The following ABHD18 variants were observed in gnomAD, a reference collection of about 807,000 sequenced individuals.
ABHD18 encodes the protein abhydrolase domain containing 18.
Under a neutral mutation model 65.9 loss-of-function variants are expected in ABHD18, and 55 were observed. That is an observed-to-expected ratio of 0.84 (90% CI 0.67 to 1.05). The LOEUF is 1.05. Ranked by LOEUF, ABHD18 falls within the 50% of genes least tolerant of loss-of-function variation. The probability of loss-of-function intolerance (pLI) is 0.00; values close to 1 mark genes in which losing one functional copy is unlikely to be tolerated. For synonymous variants in ABHD18, 181 were observed against 180.2 expected (o/e 1.00, Z -0.04); for missense variants, 533 against 558.5 (o/e 0.95, Z 0.46).
At chr4:127,984,695 T>TA (rs1239350734) in intron 3 of ABHD18, among the ~76,000 whole-genome samples, 10 of 151,658 alleles carry the variant, frequency 6.6e-5, no homozygotes, top group African/African-American at 1.9e-4. Flanking sequence ...CGTCTCTGCT[T>TA]AAAAAAAATA....
chr4:127,978,363 A>G (rs189381983), intron 1 of ABHD18, among the ~76,000 whole-genome samples: 219 of 152,220 alleles, frequency 1.4e-3, no homozygotes, highest in Non-Finnish European at 2.1e-3. Context: ...ATGACCGCCA[A>G]TGAGAAGAAG....
chr4:127,988,547 T>A (rs1750382318), intron 3 of ABHD18, among the ~76,000 whole-genome samples: 4 of 152,292 alleles, frequency 2.6e-5, no homozygotes, highest in Admixed American at 1.3e-4. Context: ...ATGGGTTTTT[T>A]AAGTTGTTTT....
chr4:128,014,412 G>C (rs920673483), intron 7 of ABHD18, among the ~76,000 whole-genome samples: 1 of 152,152 alleles, frequency 6.6e-6, no homozygotes, highest in Non-Finnish European at 1.5e-5. Flanking sequence ...GGGTTTAATA[G>C]AAAGACTGAC....
At position 127,984,456 on chromosome 4, in the gene ABHD18, T is replaced by C. The variant is rs1749614778; in HGVS notation, c.177+33T>C. 5 of 1,315,774 alleles carry C rather than the reference T, an allele frequency of 3.8e-6. No individual in the cohort carries two copies. The East Asian group carries it at 1.0e-4, about 27-fold the overall frequency. 81.5% of individuals were successfully genotyped at this position (1,315,774 alleles called of 1,614,324 possible). A position where few individuals can be genotyped will look rare whatever the true frequency, so the allele number is the denominator to read the frequency against. ...AATGAGAGAAACACAGTTATAGGAA[T>C]TGTGGTTTGACATAAATATGTCTAA... On this transcript the variant is annotated intron_variant, in intron 3 of 12. Coordinates refer to ENST00000645843, the MANE Select transcript of ABHD18 (RefSeq NM_001358451.3).
At chr4:128,007,072 G>A (rs1753718614) in intron 4 of ABHD18, among the ~76,000 whole-genome samples, 1 of 152,048 alleles carries the variant, frequency 6.6e-6, no homozygotes, top group Non-Finnish European at 1.5e-5. Flanking sequence ...CTGAACCTGG[G>A]AGGTGGAAGT....
intron 1 of ABHD18, among the ~76,000 whole-genome samples, chr4:127,976,965 C>T (rs1391923052): frequency 1.3e-5 from 2 of 151,638 alleles, no homozygotes; most frequent in East Asian, 2.0e-4. Flanking sequence ...GGCGTGAACC[C>T]GGGAGGCAGA....
intron 4 of ABHD18, among the ~76,000 whole-genome samples, chr4:127,992,997 T>C (rs965643300): frequency 6.6e-6 from 1 of 152,118 alleles, no homozygotes; most frequent in Non-Finnish European, 1.5e-5. Context: ...ATACTGAGGA[T>C]TGCCTGATCG....
intron 10 of ABHD18, among the ~76,000 whole-genome samples, chr4:128,023,457 T>C (rs1483324972): frequency 7.1e-6 from 1 of 141,712 alleles, no homozygotes; most frequent in Non-Finnish European, 1.5e-5. Context: ...GGTGCATGCC[T>C]GTAGTCCTAG....
intron 1 of ABHD18, among the ~76,000 whole-genome samples, chr4:127,979,609 A>G (rs952392621): frequency 6.6e-6 from 1 of 151,280 alleles, no homozygotes; most frequent in African/African-American, 2.4e-5. Context: ...TGGATAGAAC[A>G]AGGTATTAAA....
At chr4:128,031,722 C>T (rs1391385410) in intron 12 of ABHD18, among the ~76,000 whole-genome samples, 1 of 152,180 alleles carries the variant, frequency 6.6e-6, no homozygotes, top group East Asian at 1.9e-4. Context: ...ACTTATCTAG[C>T]CCAACTTATA....
intron 6 of ABHD18, 125 bp from the exon 7 acceptor site, chr4:128,011,547 AC>A: frequency 1.8e-6 from 1 of 547,232 alleles, no homozygotes; most frequent in Non-Finnish European, 3.0e-6. Flanking sequence ...TAAACAGCCT[AC>A]TTAAGATAAT....
intron 3 of ABHD18, among the ~76,000 whole-genome samples, chr4:127,984,673 A>G (rs1295611633): frequency 6.6e-6 from 1 of 152,178 alleles, no homozygotes; most frequent in African/African-American, 2.4e-5. Flanking sequence ...CCTGACCAAC[A>G]TGGAGAAACC....
intron 10 of ABHD18, among the ~76,000 whole-genome samples, chr4:128,021,928 G>A (rs1756561367): frequency 6.6e-6 from 1 of 152,126 alleles, no homozygotes; most frequent in South Asian, 2.1e-4. Flanking sequence ...ATGTGTATCT[G>A]TAGACCCTAT....
At chr4:127,998,094 G>C (rs1057135301) in intron 4 of ABHD18, among the ~76,000 whole-genome samples, 7 of 151,814 alleles carry the variant, frequency 4.6e-5, no homozygotes, top group Non-Finnish European at 1.0e-4. Flanking sequence ...TCTCTATGTT[G>C]CCCAGGCTGG....
At chr4:127,982,135 C>G (rs1463576058) in intron 1 of ABHD18, among the ~76,000 whole-genome samples, 1 of 151,852 alleles carries the variant, frequency 6.6e-6, no homozygotes, top group East Asian at 1.9e-4. Flanking sequence ...TCTTAAAGCC[C>G]ATTGATGGAA....
chr4:128,024,769 C>T (rs1402889307), intron 10 of ABHD18, among the ~76,000 whole-genome samples: 2 of 152,024 alleles, frequency 1.3e-5, no homozygotes, highest in Admixed American at 6.6e-5. Flanking sequence ...CTTGGCTCGC[C>T]GCAGCCTCCG....
rs796308809 is a variant in ABHD18 at position 128,001,843 on chromosome 4, TTTG to T, written c.279-7074_279-7072del. On this transcript the variant is annotated intron_variant, in intron 4 of 12. Coordinates refer to ENST00000645843, the MANE Select transcript of ABHD18 (RefSeq NM_001358451.3). Reference sequence around the variant, plus strand: ...GGTTAGATGTTGAGTTTTGTTTTGTTTTGTTTTTTTTTTTAATTCCTTGTGCCT... The same window carrying T: ...GGTTAGATGTTGAGTTTTGTTTTGTTTTTTTTTTTTTAATTCCTTGTGCCT... 545 of 1,343,510 alleles carry T rather than the reference TTTG, an allele frequency of 4.1e-4. 1 individual carries two copies. The African/African-American group carries it at 4.4e-3, about 11-fold the overall frequency. The allele number at this position is 1,343,510 out of a possible 1,614,324, so 83.2% of individuals were successfully genotyped here.
intron 1 of ABHD18, among the ~76,000 whole-genome samples, chr4:127,973,497 A>T (rs183774182): frequency 8.5e-5 from 13 of 152,230 alleles, no homozygotes; most frequent in Admixed American, 8.5e-4. Context: ...GGTTTCTCTC[A>T]GTGTAGCAGA....
At chr4:128,035,199 G>C (rs1234519756) in intron 12 of ABHD18, among the ~76,000 whole-genome samples, 1 of 152,036 alleles carries the variant, frequency 6.6e-6, no homozygotes, top group Non-Finnish European at 1.5e-5. Flanking sequence ...ATGTGCCTCT[G>C]TGTGCGTGCG....
Sources: allele counts gnomAD v4.1 joint callset (sites outside exome capture counted in the v4.1 genomes callset), GRCh38; gene constraint gnomAD v4.1.1; transcripts MANE v1.5; gene names NCBI Gene and HGNC (gene_info 2026-07-23, HGNC 2026-07-21).